TCF3: variants seen among roughly 807,000 people sequenced by gnomAD.
TCF3 encodes transcription factor 3.
In TCF3, 54 loss-of-function variants were observed where a neutral mutation model predicts 72.3. The observed-to-expected ratio is 0.75, with a 90% CI of 0.60 to 0.94. The LOEUF (loss-of-function observed/expected upper bound fraction) is 0.94. Among genes scored for constraint, TCF3 ranks in the 40% least tolerant of loss-of-function variants. TCF3 has a pLI of 0.00. For synonymous variants in TCF3, 525 were observed against 412.6 expected, an observed-to-expected ratio of 1.27 and a Z score of -3.30; for missense variants, 1,078 against 934.4, an observed-to-expected ratio of 1.15 and a Z score of -2.00.
chr19:1,615,287 C>T lies in TCF3; in HGVS notation c.1820G>A (p.Arg607Gln), dbSNP rs779502682. 15 of 1,589,498 alleles carry T rather than the reference C, an allele frequency of 9.4e-6. No homozygotes were observed. Among genetic ancestry groups the T allele is most frequent in the South Asian group, 1.1e-5 (1 of 89,102 alleles). The change falls in exon 18 of 19, where the codon CGA becomes CAA. Residue 607 changes from arginine (R) to glutamine (Q), a missense_variant and splice_region_variant. Coordinates refer to ENST00000262965, the MANE Select transcript of TCF3 (RefSeq NM_003200.5). This position sits in a 1 kb window ranked among gnomAD's most constrained non-coding sequence, Gnocchi z 7.3. ...SVILNLEQQV[R>Q]ERNLNPKAAC... ...TGGTGGCCCGCGCCCCCACTGACCT[C>T]GCACTTGCTGCTCCAAGTTCAGGAT...
At position 1,610,652 on chromosome 19, in the gene TCF3, T is replaced by G. The variant is rs1251492896; in HGVS notation, c.*1055A>C. ...CAAGGGAGAGCAGCTTAGGGGGGCC[T>G]GGGGAGGGCGTTGTGTAGGGTAGCC... On this transcript the variant is annotated 3_prime_UTR_variant, in exon 19 of 19. Coordinates refer to ENST00000262965, the MANE Select transcript of TCF3 (RefSeq NM_003200.5). The G allele has an allele frequency of 1.3e-5, 3 of 230,302 alleles. No individual in the cohort carries two copies. Among genetic ancestry groups the G allele is most frequent in the Middle Eastern group, 1.3e-3 (1 of 794 alleles). 14.3% of individuals were successfully genotyped at this position (230,302 alleles called of 1,614,324 possible).
intron 13 of TCF3, 61 bp downstream of exon 13, chr19:1,620,907 C>T (rs2062114899): frequency 7.2e-7 from 1 of 1,381,846 alleles, no homozygotes; most frequent in Admixed American, 3.4e-5. Flanking sequence ...AGACCTCAGC[C>T]TCCCCTCCCC....
At chr19:1,620,527 T>C (rs1663062738) in intron 13 of TCF3, among the ~76,000 whole-genome samples, 3 of 152,206 alleles carry the variant, frequency 2.0e-5, no homozygotes, top group Non-Finnish European at 2.9e-5. Flanking sequence ...CTGGCGATGC[T>C]GGCCCCATCG....
rs1370446269 is a variant in TCF3, at chr19:1,641,731, G to C, written c.145+4624C>G. On this transcript the variant is annotated intron_variant, in intron 3 of 18. Coordinates refer to ENST00000262965, the MANE Select transcript of TCF3 (RefSeq NM_003200.5). ...GCTTCCCAAAATGCTGGGATTATAGGTGTGAGCCACCGCACCCAGCTGAAA... is the reference window on the plus strand; with the variant it reads ...GCTTCCCAAAATGCTGGGATTATAGCTGTGAGCCACCGCACCCAGCTGAAA... Among the ~76,000 whole-genome samples, 4 of 152,184 alleles carry C rather than the reference G, an allele frequency of 2.6e-5. No individual in the cohort carries two copies. The East Asian group carries it at 7.7e-4, about 29-fold the overall frequency.
rs540512205 is a variant in TCF3 at position 1,648,029 on chromosome 19, G to C, written c.73-1602C>G. ...CCTGACTCAGGCCCAGGGACTGCCTGGGACCCAGGCAGGGCATGTCAGCCC... is the reference window on the plus strand; with the variant it reads ...CCTGACTCAGGCCCAGGGACTGCCTCGGACCCAGGCAGGGCATGTCAGCCC... On this transcript the variant is annotated intron_variant, in intron 2 of 18. Coordinates refer to ENST00000262965, the MANE Select transcript of TCF3 (RefSeq NM_003200.5). Among the ~76,000 whole-genome samples, 14 of 152,260 alleles carry C rather than the reference G, an allele frequency of 9.2e-5. No homozygotes were observed. The East Asian group carries it at 2.7e-3, about 29-fold the overall frequency.
chr19:1,635,909 C>T (rs913071790), intron 3 of TCF3, among the ~76,000 whole-genome samples: 2 of 152,214 alleles, frequency 1.3e-5, no homozygotes, highest in Non-Finnish European at 2.9e-5. Flanking sequence ...GGAGTAGGAG[C>T]GGGCCACCCG....
chr19:1,624,501 T>C (rs957705574), intron 7 of TCF3, among the ~76,000 whole-genome samples: 1 of 152,174 alleles, frequency 6.6e-6, no homozygotes, highest in Non-Finnish European at 1.5e-5. Flanking sequence ...GACGCGCAGT[T>C]TGGAAAACGA....
chr19:1,647,625 T>G (rs1214808258), intron 2 of TCF3, among the ~76,000 whole-genome samples: 3 of 152,170 alleles, frequency 2.0e-5, no homozygotes, highest in Non-Finnish European at 4.4e-5. Context: ...CAGGCTCCGG[T>G]GCACCCAGCC....
At chr19:1,636,811 C>A (rs1410606873) in intron 3 of TCF3, among the ~76,000 whole-genome samples, 2 of 152,204 alleles carry the variant, frequency 1.3e-5, no homozygotes, top group South Asian at 2.1e-4. Flanking sequence ...GGGGGGCTGA[C>A]GAGATCCCGC....
rs1479195968 is a variant in TCF3, at chr19:1,652,510, A to AGCGGCGTGC, written c.-259_-251dup. ...CGGCCGGCCGGGGCGCCCCTGGGGC[A>AGCGGCGTGC]GCGGCGTGCGCGGTGCCCGCGGTGC... On this transcript the variant is annotated 5_prime_UTR_variant, in exon 1 of 19. Transcript: ENST00000262965. 2 of 137,484 alleles carry AGCGGCGTGC rather than the reference A, an allele frequency of 1.5e-5. No individual in the cohort carries two copies. Among genetic ancestry groups the AGCGGCGTGC allele is most frequent in the African/African-American group, 5.2e-5 (2 of 38,192 alleles). 8.5% of individuals were successfully genotyped at this position (137,484 alleles called of 1,614,324 possible). A position where few individuals can be genotyped will look rare whatever the true frequency, so the allele number is the denominator to read the frequency against.
At position 1,619,818 on chromosome 19, in the gene TCF3, C is replaced by T. The variant is rs969588245; in HGVS notation, c.1129G>A (p.Ala377Thr). 14 of 1,576,292 alleles carry T rather than the reference C, an allele frequency of 8.9e-6. No individual in the cohort carries two copies. The highest frequency in any genetic ancestry group is 1.2e-5 in the Non-Finnish European group (14 of 1,162,026). ...CCCCCGTCGTAGCTGGGCGATAAGG[C>T]ACCGGGGGCTCCTGCTCGAGGCCAC... ...SQWPRAGAPG[A>T]LSPSYDGGLH... Residue 377 changes from alanine to threonine, a missense_variant, in exon 14 of 19, where the codon GCC (alanine) becomes ACC (threonine). By Grantham distance (58) the Ala-to-Thr change is moderately conservative. Transcript: ENST00000262965.
At chr19:1,644,804 ACCCCACCCT>A (rs1437520251) in intron 3 of TCF3, among the ~76,000 whole-genome samples, 1 of 147,118 alleles carries the variant, frequency 6.8e-6, no homozygotes, top group Non-Finnish European at 1.5e-5. Context: ...GACACCTCCC[ACCCCACCCT>A]CCCCACCAGG....
intron 3 of TCF3, among the ~76,000 whole-genome samples, chr19:1,639,168 C>T (rs188460836): frequency 1.1e-4 from 17 of 152,332 alleles, no homozygotes; most frequent in South Asian, 8.3e-4. Context: ...CTCAGCCTCC[C>T]GAGCAGCTGG....
At chr19:1,613,260 C>T (rs971848809) in intron 18 of TCF3, among the ~76,000 whole-genome samples, 13 of 152,156 alleles carry the variant, frequency 8.5e-5, no homozygotes, top group Non-Finnish European at 1.8e-4. Context: ...TGTGTGTACG[C>T]GACTGGCTGC....
intron 3 of TCF3, among the ~76,000 whole-genome samples, chr19:1,642,041 T>C (rs2065318510): frequency 6.7e-6 from 1 of 149,740 alleles, no homozygotes; most frequent in Non-Finnish European, 1.5e-5. Flanking sequence ...TGAGACCTGG[T>C]CCCTAAAAAA....
Position 1,622,431 on chromosome 19 carries a change from C to CCCCCGGGGGGGGGGGGGGGG in TCF3, c.550-17_550-16insCCCCCCCCCCCCCCCCGGGG. 1 of 441,846 alleles carries CCCCCGGGGGGGGGGGGGGGG rather than the reference C, an allele frequency of 2.3e-6. No homozygotes were observed. 27.4% of individuals were successfully genotyped at this position (441,846 alleles called of 1,614,324 possible). Reference sequence around the variant, plus strand: ...GTGGGTACACCTGCGGGCGGGTGGGCGGTGGGGGGTGCAGTCAGGACGGAG... The same window carrying CCCCCGGGGGGGGGGGGGGGG: ...GTGGGTACACCTGCGGGCGGGTGGGCCCCCGGGGGGGGGGGGGGGGGGTGGGGGGTGCAGTCAGGACGGAG... On this transcript the variant is annotated splice_polypyrimidine_tract_variant and intron_variant, in intron 8 of 18. Coordinates refer to ENST00000262965, the MANE Select transcript of TCF3 (RefSeq NM_003200.5).
At position 1,615,589 on chromosome 19, in the gene TCF3, C is replaced by G; in HGVS notation, c.1587-69G>C. On this transcript the variant is annotated intron_variant, in intron 17 of 18. Coordinates refer to ENST00000262965, the MANE Select transcript of TCF3 (RefSeq NM_003200.5). The surrounding 1 kb of genome is among the most constrained non-coding windows in gnomAD (Gnocchi z 7.3). ...GTTGGGGGAAGAGCGTGGGGCCCGC[C>G]GACGGCCTCCCAGTGTGGGTGCGGT... 2.5e-6 allele frequency: 4 copies of G among 1,605,862 alleles called. No individual in the cohort carries two copies. The highest frequency in any genetic ancestry group is 1.1e-5 in the South Asian group (1 of 91,064).
intron 2 of TCF3, among the ~76,000 whole-genome samples, chr19:1,647,375 G>A: frequency 6.6e-6 from 1 of 152,246 alleles, no homozygotes; most frequent in East Asian, 1.9e-4. Flanking sequence ...TTTCTGAGGA[G>A]CAGCCAAGAT....
intron 1 of TCF3, 27 bp downstream of exon 1, chr19:1,652,273 G>GCGCCCCC (rs1017975020): frequency 6.9e-6 from 1 of 145,334 alleles, no homozygotes; most frequent in African/African-American, 2.5e-5. Context: ...GGTACCGGGC[G>GCGCCCCC]CGCCCCCCGC....
Sources: allele counts gnomAD v4.1 joint callset (sites outside exome capture counted in the v4.1 genomes callset), GRCh38; gene constraint gnomAD v4.1.1; non-coding constraint Gnocchi (gnomAD v3.1); transcripts MANE v1.5; gene names NCBI Gene and HGNC (gene_info 2026-07-23, HGNC 2026-07-21).